The following AK5 variants were observed in gnomAD, a reference collection of about 807,000 sequenced individuals.
The protein encoded by AK5 is adenylate kinase isoenzyme 5.
A neutral mutation model predicts 69.5 loss-of-function variants in AK5; 27 were observed. The ratio of observed to expected loss-of-function variants is 0.39; its 90% CI spans 0.29 to 0.54. The LOEUF (loss-of-function observed/expected upper bound fraction) is 0.54. Ranked by LOEUF, AK5 falls within the 20% of genes least tolerant of loss-of-function variation. The pLI, the probability that AK5 is intolerant of heterozygous loss-of-function variation, is 0.71. For missense variants in AK5, 531 were observed against 700.4 expected, an observed-to-expected ratio of 0.76 and a Z score of 2.73; for synonymous variants, 260 against 244.4, an observed-to-expected ratio of 1.06 and a Z score of -0.60.
In AK5 at chr1:77,527,880, C is replaced by T. The variant is rs192959431; in HGVS notation, c.1428+5937C>T. On this transcript the variant is annotated intron_variant, in intron 12 of 13. Coordinates refer to ENST00000354567, the MANE Select transcript of AK5 (RefSeq NM_174858.3). ...TTTGAGACAAGCCAGACTAACATGG[C>T]GAAACCCCGTCTCTACTAAAAATAC... is the stretch of plus-strand genomic sequence containing the variant. 3.3e-5 allele frequency among the ~76,000 whole-genome samples: 5 copies of T among 152,252 alleles called. No individual in the cohort carries two copies. In the South Asian group the frequency reaches 6.2e-4, roughly 19 times the overall value.
At chr1:77,486,386 A>T in intron 10 of AK5, 34 bp downstream of exon 10, 1 of 1,509,140 alleles carries the variant, frequency 6.6e-7, no homozygotes, top group Non-Finnish European at 9.1e-7. Flanking sequence ...CTAACAATAC[A>T]ATTGCTAATA....
chr1:77,463,166 A>G (rs1384711928), intron 8 of AK5, among the ~76,000 whole-genome samples: 1 of 152,232 alleles, frequency 6.6e-6, no homozygotes, highest in African/African-American at 2.4e-5. Flanking sequence ...CCCAATAACA[A>G]GCACCCCAAC....
rs567601989 is a variant in AK5 at position 77,432,508 on chromosome 1, T to C, written c.1059+14793T>C. On this transcript the variant is annotated intron_variant, in intron 8 of 13. Transcript: ENST00000354567. ...AATTTAACAAGCAACAGGTACAAGT[T>C]TTAAAAACAAAAATATAAAATAAAA... Among the ~76,000 whole-genome samples, 7 of 152,284 alleles carry C rather than the reference T, an allele frequency of 4.6e-5. No individual in the cohort carries two copies. The East Asian group carries it at 1.2e-3, about 25-fold the overall frequency.
intron 5 of AK5, among the ~76,000 whole-genome samples, chr1:77,299,805 G>A (rs1659230265): frequency 6.6e-6 from 1 of 151,916 alleles, no homozygotes; most frequent in African/African-American, 2.4e-5. Flanking sequence ...TATTGAATGT[G>A]CTAAACTTGG....
intron 5 of AK5, among the ~76,000 whole-genome samples, chr1:77,338,027 C>T (rs763798346): frequency 3.3e-5 from 5 of 150,980 alleles, no homozygotes; most frequent in Non-Finnish European, 5.9e-5. Context: ...TGCAATGGCA[C>T]GATCTCAGCT....
intron 10 of AK5, among the ~76,000 whole-genome samples, chr1:77,507,811 A>G (rs1050791816): frequency 5.9e-5 from 9 of 152,242 alleles, no homozygotes; most frequent in African/African-American, 2.2e-4. Flanking sequence ...TATCTAATCT[A>G]GAAGTTCCAA....
chr1:77,291,996 A>G (rs1658713442), intron 2 of AK5, among the ~76,000 whole-genome samples: 1 of 152,182 alleles, frequency 6.6e-6, no homozygotes, highest in African/African-American at 2.4e-5. Context: ...AGAACATTTC[A>G]GGCAGTTGAT....
chr1:77,389,455 C>G (rs542158638), intron 6 of AK5, among the ~76,000 whole-genome samples: 89 of 152,028 alleles, frequency 5.9e-4, no homozygotes, highest in African/African-American at 2.1e-3. Context: ...AGGAGAAATG[C>G]TGGATTACAT....
chr1:77,499,117 G>A (rs906881031), intron 10 of AK5, among the ~76,000 whole-genome samples: 2 of 152,172 alleles, frequency 1.3e-5, no homozygotes, highest in Non-Finnish European at 2.9e-5. Context: ...AGAGTAACAA[G>A]CCAGTGATTA....
At chr1:77,293,183 G>T (rs555789991) in intron 2 of AK5, among the ~76,000 whole-genome samples, 2 of 152,226 alleles carry the variant, frequency 1.3e-5, no homozygotes, top group South Asian at 4.2e-4. Context: ...TACTGACCGT[G>T]ACAGTACCTT....
At chr1:77,384,797 C>T (rs1557549057) in intron 6 of AK5, among the ~76,000 whole-genome samples, 1 of 152,110 alleles carries the variant, frequency 6.6e-6, no homozygotes, top group Non-Finnish European at 1.5e-5. Flanking sequence ...ACACACCCCT[C>T]GTATGCAGCA....
intron 10 of AK5, among the ~76,000 whole-genome samples, chr1:77,509,136 C>T (rs1657187627): frequency 6.6e-6 from 1 of 151,864 alleles, no homozygotes; most frequent in African/African-American, 2.4e-5. Context: ...ACAGGGTTGC[C>T]TCTGTGAAGC....
At chr1:77,362,337 A>G (rs554181457) in intron 6 of AK5, among the ~76,000 whole-genome samples, 1 of 152,256 alleles carries the variant, frequency 6.6e-6, no homozygotes, top group South Asian at 2.1e-4. Flanking sequence ...GGGCTTTATT[A>G]TATATGCTTC....
At chr1:77,539,672 G>A (rs540418231) in intron 13 of AK5, among the ~76,000 whole-genome samples, 2 of 152,332 alleles carry the variant, frequency 1.3e-5, no homozygotes, top group African/African-American at 4.8e-5. Flanking sequence ...TTTGCCGCTG[G>A]AGAGGGAGAA....
chr1:77,328,874 G>A (rs1321579426), intron 5 of AK5, among the ~76,000 whole-genome samples: 1 of 152,142 alleles, frequency 6.6e-6, no homozygotes, highest in Non-Finnish European at 1.5e-5. Flanking sequence ...TATAAAGAAC[G>A]GAAGTGAATA....
chr1:77,495,372 T>A (rs1483189213), intron 10 of AK5, among the ~76,000 whole-genome samples: 1 of 152,174 alleles, frequency 6.6e-6, no homozygotes, highest in Non-Finnish European at 1.5e-5. Context: ...GTACTGCAAT[T>A]TTCTGTTTTA....
chr1:77,444,232 A>G lies in AK5; in HGVS notation c.1059+26517A>G, dbSNP rs185591332. ...ATATATACCACTTATGTATATATAT[A>G]TAGTATATATATACACAACATATGT... is the stretch of plus-strand genomic sequence containing the variant. On this transcript the variant is annotated intron_variant, in intron 8 of 13. Transcript: ENST00000354567. Among the ~76,000 whole-genome samples, 16 of 91,958 alleles carry G rather than the reference A, an allele frequency of 1.7e-4. 1 individual carries two copies. Among genetic ancestry groups the G allele is most frequent in the African/African-American group, 5.6e-4 (16 of 28,742 alleles). The allele number at this position is 91,958 out of a possible 152,430, so 60.3% of individuals were successfully genotyped here.
chr1:77,495,873 A>G (rs745843431), intron 10 of AK5, among the ~76,000 whole-genome samples: 7 of 152,324 alleles, frequency 4.6e-5, no homozygotes, highest in Middle Eastern at 6.8e-3. Context: ...CCCACATGAT[A>G]AAGATATTCT....
intron 13 of AK5, among the ~76,000 whole-genome samples, chr1:77,538,631 C>CTCT (rs1404812278): frequency 6.6e-6 from 1 of 151,238 alleles, no homozygotes; most frequent in East Asian, 1.9e-4. Flanking sequence ...GCCTGGGTGA[C>CTCT]AGAGAGTCCC....
Sources: gnomAD v4.1 joint callset for allele counts (sites outside exome capture counted in the v4.1 genomes callset) on GRCh38, gnomAD v4.1.1 for gene constraint, MANE v1.5 for transcripts, NCBI Gene and HGNC (gene_info 2026-07-23, HGNC 2026-07-21) for gene names.